Variants in LDHC observed in about 807,000 individuals in gnomAD.
LDHC encodes lactate dehydrogenase C, also known as L-lactate dehydrogenase C chain.
Under a neutral mutation model 30.2 loss-of-function variants are expected in LDHC, and 20 were observed. The ratio of observed to expected loss-of-function variants is 0.66; its 90% confidence interval spans 0.47 to 0.96. The LOEUF (loss-of-function observed/expected upper bound fraction) is 0.96, where lower values mean the gene tolerates loss of function less well. Ranked by LOEUF, LDHC falls within the 40% of genes least tolerant of loss-of-function variation. LDHC has a pLI of 0.00. For synonymous variants in LDHC, 139 were observed against 132.7 expected, an observed-to-expected ratio of 1.05 and a Z score of -0.32; for missense variants, 362 against 394.9, an observed-to-expected ratio of 0.92 and a Z score of 0.71.
At chr11:18,425,326 TA>T (rs200612574) in intron 3 of LDHC, among the ~76,000 whole-genome samples, 2,035 of 152,200 alleles carry the variant, frequency 0.013, 51 homozygotes, top group African/African-American at 0.046. Context: ...AAATGTGAAC[TA>T]GATGTTTATT....
chr11:18,438,446 T>C, intron 5 of LDHC, 82 bp from the exon 6 acceptor site: 1 of 852,606 alleles, frequency 1.2e-6, no homozygotes, highest in Non-Finnish European at 2.0e-6. Flanking sequence ...GGTGGCAACT[T>C]AACTTAAAAA....
chr11:18,420,981 A>G (rs1848036766), intron 3 of LDHC, among the ~76,000 whole-genome samples: 1 of 152,192 alleles, frequency 6.6e-6, no homozygotes. Flanking sequence ...GGAAGCAGGA[A>G]GTGTGGTGAT....
intron 4 of LDHC, among the ~76,000 whole-genome samples, chr11:18,431,556 T>TG (rs1848264669): frequency 6.6e-6 from 1 of 152,224 alleles, no homozygotes. Context: ...TGTTTTGTTT[T>TG]TTTGTTTTTG....
At chr11:18,449,839 A>C (rs546281291) in intron 7 of LDHC, among the ~76,000 whole-genome samples, 1 of 152,322 alleles carries the variant, frequency 6.6e-6, no homozygotes, top group Non-Finnish European at 1.5e-5. Context: ...TGGGCTCTGC[A>C]GCATGGAAAG....
intron 3 of LDHC, among the ~76,000 whole-genome samples, chr11:18,419,602 T>C (rs1867082293): frequency 6.6e-6 from 1 of 152,060 alleles, no homozygotes; most frequent in African/African-American, 2.4e-5. Context: ...AATAATTAAA[T>C]CTGCAAGAAA....
intron 6 of LDHC, among the ~76,000 whole-genome samples, chr11:18,439,426 G>A (rs1848415936): frequency 6.6e-6 from 1 of 151,744 alleles, no homozygotes; most frequent in African/African-American, 2.4e-5. Flanking sequence ...AGCTCGGTGT[G>A]GTGATGGGCG....
intron 6 of LDHC, among the ~76,000 whole-genome samples, chr11:18,444,643 T>C (rs1215308470): frequency 2.7e-5 from 3 of 111,948 alleles, no homozygotes; most frequent in African/African-American, 3.7e-5. Context: ...TATATATATA[T>C]ATATATGCCT....
intron 3 of LDHC, among the ~76,000 whole-genome samples, chr11:18,426,380 AGCTGG>A (rs1239340524): frequency 6.6e-6 from 1 of 152,104 alleles, no homozygotes; most frequent in African/African-American, 2.4e-5. Context: ...TACAAAAATT[AGCTGG>A]GCATGGTGGC....
chr11:18,427,238 C>T (rs1848176575), intron 3 of LDHC, among the ~76,000 whole-genome samples: 1 of 152,060 alleles, frequency 6.6e-6, no homozygotes, highest in Non-Finnish European at 1.5e-5. Context: ...CTCCTGTAAT[C>T]CCAGCTACTT....
intron 3 of LDHC, among the ~76,000 whole-genome samples, chr11:18,417,178 C>T (rs1867038406): frequency 6.6e-6 from 1 of 152,110 alleles, no homozygotes; most frequent in Admixed American, 6.5e-5. Flanking sequence ...GCCACCGCAC[C>T]CGGCCTGGAG....
intron 6 of LDHC, among the ~76,000 whole-genome samples, chr11:18,439,833 A>AC (rs1464380587): frequency 1.3e-5 from 2 of 148,548 alleles, no homozygotes; most frequent in South Asian, 2.1e-4. Flanking sequence ...AAAAAAAAAA[A>AC]AAACAAAAAT....
intron 4 of LDHC, among the ~76,000 whole-genome samples, 184 bp from the exon 5 acceptor site, chr11:18,434,556 C>T (rs1848323022): frequency 6.6e-6 from 1 of 152,192 alleles, no homozygotes; most frequent in Admixed American, 6.5e-5. Context: ...AGTGATCCAC[C>T]TACCTAAGCC....
chr11:18,442,292 T>C (rs1848480430), intron 6 of LDHC, among the ~76,000 whole-genome samples: 3 of 152,206 alleles, frequency 2.0e-5, no homozygotes. Context: ...CTATGTTGCC[T>C]GAACTCAAAC....
intron 7 of LDHC, among the ~76,000 whole-genome samples, chr11:18,448,048 CAAAA>C (rs1218910663): frequency 1.0e-3 from 78 of 76,478 alleles, no homozygotes; most frequent in African/African-American, 2.3e-3. Flanking sequence ...GACTCTGTCT[CAAAA>C]AAAAAAAAAA....
chr11:18,426,138 C>T (rs764987339), intron 3 of LDHC, among the ~76,000 whole-genome samples: 1 of 151,822 alleles, frequency 6.6e-6, no homozygotes, highest in Non-Finnish European at 1.5e-5. Context: ...GATTCAGCTT[C>T]CTAAGTAGCT....
intron 6 of LDHC, among the ~76,000 whole-genome samples, chr11:18,442,149 A>G (rs1410319995): frequency 1.3e-5 from 2 of 152,194 alleles, no homozygotes; most frequent in Non-Finnish European, 2.9e-5. Context: ...CAGGGTCTGC[A>G]TACTTGATCC....
chr11:18,434,807 T>G lies in LDHC; in HGVS notation c.486T>G (p.Gly162=). 5 of 1,611,088 alleles carry G rather than the reference T, an allele frequency of 3.1e-6. No individual in the cohort carries two copies. The highest frequency in any genetic ancestry group is 2.5e-6 in the Non-Finnish European group (3 of 1,177,198). ...CTGTAACTCGTGTAATTGGAAGTGG[T>G]TGTAATCTAGACTCTGCCCGTTTCC... ...GLPVTRVIGS[G]CNLDSARFRY... The change falls in exon 5 of 8, where the codon GGT becomes GGG. Residue 162 remains glycine, a synonymous_variant. Transcript: ENST00000541669.
intron 3 of LDHC, among the ~76,000 whole-genome samples, chr11:18,419,376 C>T (rs1867079141): frequency 6.6e-6 from 1 of 152,212 alleles, no homozygotes; most frequent in Non-Finnish European, 1.5e-5. Flanking sequence ...TAATTATTCT[C>T]TCCCTGCCTT....
At chr11:18,424,327 A>G (rs1223082411) in intron 3 of LDHC, among the ~76,000 whole-genome samples, 1 of 152,050 alleles carries the variant, frequency 6.6e-6, no homozygotes, top group East Asian at 1.9e-4. Flanking sequence ...GGTTGCAGTG[A>G]GCCTAGATCG....
Sources: allele counts gnomAD v4.1 joint callset (sites outside exome capture counted in the v4.1 genomes callset), GRCh38; gene constraint gnomAD v4.1.1; transcripts MANE v1.5; gene names NCBI Gene and HGNC (gene_info 2026-07-23, HGNC 2026-07-21).